The following ANKFN1 variants were observed in gnomAD, a reference collection of about 807,000 sequenced individuals.
ANKFN1 encodes ankyrin repeat and fibronectin type III domain containing 1, also known as ankyrin repeat and fibronectin type-III domain-containing protein 1.
Under a neutral mutation model 108.7 loss-of-function variants are expected in ANKFN1, and 74 were observed. That is an observed-to-expected ratio of 0.68 (90% CI 0.56 to 0.83). The LOEUF (loss-of-function observed/expected upper bound fraction) is 0.83, where lower values mean the gene tolerates loss of function less well. ANKFN1 is among the 40% of genes least tolerant of loss of function. The pLI is 0.00. For missense variants in ANKFN1, 1,505 were observed against 1,382.3 expected (o/e 1.09, Z -1.41); for synonymous variants, 547 against 516.2 (o/e 1.06, Z -0.81).
intron 4 of ANKFN1, among the ~76,000 whole-genome samples, chr17:56,329,236 G>A (rs1345379312): frequency 6.6e-6 from 1 of 152,114 alleles, no homozygotes; most frequent in African/African-American, 2.4e-5. Context: ...TCCTGGTGTG[G>A]TTGATGAAAT....
intron 4 of ANKFN1, among the ~76,000 whole-genome samples, chr17:56,077,336 G>A (rs1036284289): frequency 4.6e-5 from 7 of 152,122 alleles, no homozygotes; most frequent in Non-Finnish European, 1.0e-4. Flanking sequence ...AAGAACCTTG[G>A]GTTGCAGGGC....
chr17:56,410,401 T>A (rs2048057239), intron 8 of ANKFN1, among the ~76,000 whole-genome samples: 1 of 152,152 alleles, frequency 6.6e-6, no homozygotes, highest in Non-Finnish European at 1.5e-5. Context: ...GGCCTATTAT[T>A]ATTATTTTTA....
chr17:56,432,229 C>T (rs2048782116), intron 8 of ANKFN1, among the ~76,000 whole-genome samples: 1 of 152,142 alleles, frequency 6.6e-6, no homozygotes, highest in Admixed American at 6.5e-5. Context: ...TCCTAAAAAA[C>T]TAGTCTAAAC....
chr17:56,180,014 G>A (rs1046018861), intron 1 of ANKFN1, among the ~76,000 whole-genome samples: 4 of 152,174 alleles, frequency 2.6e-5, no homozygotes, highest in Admixed American at 6.5e-5. Flanking sequence ...ATACTCGTAT[G>A]TGAATAAATA....
At chr17:56,392,887 GC>G (rs541254724) in intron 8 of ANKFN1, among the ~76,000 whole-genome samples, 49 of 152,086 alleles carry the variant, frequency 3.2e-4, no homozygotes, top group African/African-American at 1.1e-3. Context: ...CTCGCATTGT[GC>G]CAGCTCTTGT....
chr17:56,489,763 T>G (rs9893499), intron 18 of ANKFN1, among the ~76,000 whole-genome samples: 119,764 of 152,050 alleles, frequency 0.79, 47,578 homozygotes, highest in East Asian at 0.97. Context: ...AAGGCAGGGT[T>G]TGAGACACTT....
At chr17:56,091,917 C>T (rs1308376614) in intron 4 of ANKFN1, among the ~76,000 whole-genome samples, 2 of 151,222 alleles carry the variant, frequency 1.3e-5, no homozygotes, top group East Asian at 3.9e-4. Flanking sequence ...GTATCATTTC[C>T]CCCACCTCAA....
At chr17:56,242,426 A>T (rs996669701) in intron 3 of ANKFN1, among the ~76,000 whole-genome samples, 5 of 152,068 alleles carry the variant, frequency 3.3e-5, no homozygotes, top group African/African-American at 9.7e-5. Context: ...ATCTTTTGAT[A>T]TATTTATTAG....
At position 56,511,297 on chromosome 17, in the gene ANKFN1, C is replaced by G; in HGVS notation, c.*28C>G. ...AGGCCCATCCCGGCTGTCCACCCCT[C>G]CATGGCTGCTACCTGCGTTTTACAT... On this transcript the variant is annotated 3_prime_UTR_variant, in exon 21 of 21. Transcript: ENST00000682825. 6 of 1,485,124 alleles carry G rather than the reference C, an allele frequency of 4.0e-6. No homozygotes were observed. Among genetic ancestry groups the G allele is most frequent in the Non-Finnish European group, 5.4e-6 (6 of 1,118,318 alleles). The allele number at this position is 1,485,124 out of a possible 1,614,324, so 92.0% of individuals were successfully genotyped here.
intron 3 of ANKFN1, among the ~76,000 whole-genome samples, chr17:56,300,639 T>G (rs2044646591): frequency 6.6e-6 from 1 of 151,530 alleles, no homozygotes; most frequent in Non-Finnish European, 1.5e-5. Context: ...AGTCTCAAAG[T>G]CAGTAGTGAT....
chr17:56,469,160 G>T (rs1033997128), intron 15 of ANKFN1, among the ~76,000 whole-genome samples: 3 of 152,032 alleles, frequency 2.0e-5, no homozygotes, highest in Non-Finnish European at 4.4e-5. Flanking sequence ...TTTCCACACA[G>T]ATCCAAGTGG....
intron 8 of ANKFN1, among the ~76,000 whole-genome samples, chr17:56,404,457 C>G (rs2047857121): frequency 6.6e-6 from 1 of 152,164 alleles, no homozygotes; most frequent in Admixed American, 6.5e-5. Flanking sequence ...ATTGCTGAGA[C>G]TTTCCAGAGC....
intron 1 of ANKFN1, among the ~76,000 whole-genome samples, chr17:56,187,179 C>G (rs995940149): frequency 7.9e-5 from 12 of 152,296 alleles, no homozygotes; most frequent in South Asian, 4.1e-4. Context: ...ATTTTGCAAT[C>G]TACCTATCTG....
At chr17:56,288,725 G>A (rs1177053250) in intron 3 of ANKFN1, among the ~76,000 whole-genome samples, 2 of 152,138 alleles carry the variant, frequency 1.3e-5, no homozygotes, top group African/African-American at 2.4e-5. Flanking sequence ...CAGAGGAAGA[G>A]CCTTTAGAGT....
rs1341548213 is a variant in ANKFN1, at chr17:56,515,858, T to C, written c.*4589T>C. Among the ~76,000 whole-genome samples the C allele has an allele frequency of 6.6e-6, 1 of 152,194 alleles. No individual in the cohort carries two copies. Among genetic ancestry groups the C allele is most frequent in the Admixed American group, 6.5e-5 (1 of 15,288 alleles). ...TTTGTAAAACAGTTATTCAAAAGGA[T>C]GGTTGGCTTTGTTTAACAATTGGAT... On this transcript the variant is annotated 3_prime_UTR_variant, in exon 21 of 21. Transcript: ENST00000682825.
chr17:56,076,606 C>T (rs2143152692), intron 4 of ANKFN1, among the ~76,000 whole-genome samples: 1 of 152,266 alleles, frequency 6.6e-6, no homozygotes, highest in South Asian at 2.1e-4. Flanking sequence ...TACTGTGTGC[C>T]CTTCAAATGC....
chr17:56,078,752 A>T (rs996374685), intron 4 of ANKFN1, among the ~76,000 whole-genome samples: 5 of 152,202 alleles, frequency 3.3e-5, no homozygotes, highest in Non-Finnish European at 7.3e-5. Flanking sequence ...TCTCTGGAAT[A>T]TTTACATCAC....
rs369738266 is a variant in ANKFN1 at position 56,367,192 on chromosome 17, G to T, written c.602-5454G>T. Among the ~76,000 whole-genome samples, 25 of 152,092 alleles carry T rather than the reference G, an allele frequency of 1.6e-4. 3 individuals are homozygous for T. Among genetic ancestry groups the T allele is most frequent in the Admixed American group, 9.2e-4 (14 of 15,272 alleles). On this transcript the variant is annotated intron_variant, in intron 6 of 20. Transcript: ENST00000682825. ...CTTTTTCAAGCAAACCAAACAAATT[G>T]TTCCCTAAAATTCTTAATTAAAAAT...
intron 4 of ANKFN1, among the ~76,000 whole-genome samples, chr17:56,347,988 A>G (rs2046150103): frequency 6.6e-6 from 1 of 152,140 alleles, no homozygotes; most frequent in East Asian, 1.9e-4. Context: ...TAGAGAAAAC[A>G]GATGGCTTGA....
Sources: gnomAD v4.1 joint callset for allele counts (sites outside exome capture counted in the v4.1 genomes callset) on GRCh38, gnomAD v4.1.1 for gene constraint, MANE v1.5 for transcripts, NCBI Gene and HGNC (gene_info 2026-07-23, HGNC 2026-07-21) for gene names.